Variants in NELL1 observed in about 807,000 individuals in gnomAD.
NELL1 encodes the protein protein kinase C-binding protein NELL1.
Under a neutral mutation model 107.4 loss-of-function variants are expected in NELL1, and 76 were observed. The ratio of observed to expected loss-of-function variants is 0.71; its 90% confidence interval spans 0.59 to 0.86. The LOEUF is 0.86. NELL1 is among the 40% of genes least tolerant of loss of function. NELL1 has a pLI of 0.00. For missense variants in NELL1, 1,024 were observed against 1,005.5 expected (o/e 1.02, Z -0.25); for synonymous variants, 353 against 341.2 (o/e 1.03, Z -0.38).
At chr11:20,691,210 G>A (rs1336346336) in intron 2 of NELL1, among the ~76,000 whole-genome samples, 3 of 151,976 alleles carry the variant, frequency 2.0e-5, no homozygotes, top group South Asian at 2.1e-4. Context: ...TTCTAGATAT[G>A]CAATCATGTC....
rs902250722 is a variant in NELL1, at chr11:21,148,558, A to G, written c.1426+34844A>G. On this transcript the variant is annotated intron_variant, in intron 13 of 19. Coordinates refer to ENST00000357134, the MANE Select transcript of NELL1 (RefSeq NM_006157.5). ...AACAGGGTTTATGAGCCTTACTTCA[A>G]TCAGTTCCTTGAGTTGCTGATGAAC... Among the ~76,000 whole-genome samples the G allele has an allele frequency of 1.5e-4, 23 of 152,194 alleles. 1 individual carries two copies. Among genetic ancestry groups the G allele is most frequent in the Admixed American group, 1.4e-3 (22 of 15,270 alleles).
intron 10 of NELL1, among the ~76,000 whole-genome samples, chr11:20,942,887 G>T (rs954879889): frequency 1.3e-5 from 2 of 152,020 alleles, no homozygotes; most frequent in African/African-American, 2.4e-5. Context: ...CTCTAGCAAG[G>T]GTCACTATTA....
intron 12 of NELL1, among the ~76,000 whole-genome samples, chr11:21,084,308 A>T (rs1468357283): frequency 6.6e-6 from 1 of 152,176 alleles, no homozygotes; most frequent in Non-Finnish European, 1.5e-5. Context: ...TGGCTGTTTA[A>T]TTGCTGTAAA....
intron 15 of NELL1, among the ~76,000 whole-genome samples, chr11:21,448,462 T>A (rs1385661395): frequency 6.6e-6 from 1 of 151,628 alleles, no homozygotes; most frequent in Non-Finnish European, 1.5e-5. Flanking sequence ...TAAAATTAAT[T>A]TTTAATTATT....
At chr11:21,341,361 C>T (rs1423934868) in intron 14 of NELL1, among the ~76,000 whole-genome samples, 1 of 152,130 alleles carries the variant, frequency 6.6e-6, no homozygotes, top group Non-Finnish European at 1.5e-5. Flanking sequence ...CCTCATATCA[C>T]CAAAAAGCAA....
intron 3 of NELL1, among the ~76,000 whole-genome samples, chr11:20,790,533 C>A (rs1857052902): frequency 6.6e-6 from 1 of 152,192 alleles, no homozygotes; most frequent in Non-Finnish European, 1.5e-5. Flanking sequence ...GATGCGTGGG[C>A]CCACAGCTGC....
intron 14 of NELL1, among the ~76,000 whole-genome samples, chr11:21,309,709 A>G (rs1849706133): frequency 6.6e-6 from 1 of 152,098 alleles, no homozygotes; most frequent in South Asian, 2.1e-4. Flanking sequence ...GAAGGCAAGG[A>G]GGAGTAAGTC....
intron 13 of NELL1, among the ~76,000 whole-genome samples, chr11:21,173,189 C>A (rs1281837359): frequency 6.6e-6 from 1 of 151,772 alleles, no homozygotes; most frequent in Non-Finnish European, 1.5e-5. Flanking sequence ...TGGTATGAGA[C>A]ACACACTGCT....
intron 14 of NELL1, among the ~76,000 whole-genome samples, chr11:21,285,542 G>A (rs536491946): frequency 2.0e-5 from 3 of 152,024 alleles, no homozygotes; most frequent in East Asian, 1.9e-4. Context: ...TGACCTTTAC[G>A]TTAGGAATTT....
intron 2 of NELL1, among the ~76,000 whole-genome samples, chr11:20,746,775 G>A (rs1189608674): frequency 1.3e-5 from 2 of 152,082 alleles, no homozygotes; most frequent in East Asian, 1.9e-4. Context: ...TCTCTGTAGT[G>A]GTTTTGGTAA....
At chr11:21,294,454 C>T (rs1387146819) in intron 14 of NELL1, among the ~76,000 whole-genome samples, 3 of 152,032 alleles carry the variant, frequency 2.0e-5, no homozygotes, top group Non-Finnish European at 4.4e-5. Context: ...CCTTGTATTA[C>T]CCAGCACAGT....
At chr11:21,343,285 T>G (rs1224533234) in intron 14 of NELL1, among the ~76,000 whole-genome samples, 1 of 152,016 alleles carries the variant, frequency 6.6e-6, no homozygotes, top group Non-Finnish European at 1.5e-5. Context: ...CAGGATGCAT[T>G]TTCACAAATG....
At chr11:21,526,883 G>T (rs1665339324) in intron 15 of NELL1, among the ~76,000 whole-genome samples, 1 of 152,212 alleles carries the variant, frequency 6.6e-6, no homozygotes, top group African/African-American at 2.4e-5. Context: ...GTGATGGGAG[G>T]AGCTGCTGGG....
At chr11:20,776,822 C>A (rs191153570) in intron 2 of NELL1, among the ~76,000 whole-genome samples, 2 of 152,234 alleles carry the variant, frequency 1.3e-5, no homozygotes, top group South Asian at 2.1e-4. Flanking sequence ...AGTTGAATGC[C>A]ATGGAATATC....
At chr11:21,122,442 G>T (rs1000719714) in intron 13 of NELL1, among the ~76,000 whole-genome samples, 2 of 152,024 alleles carry the variant, frequency 1.3e-5, no homozygotes, top group African/African-American at 4.8e-5. Context: ...TATTTCTATC[G>T]TAAAGACATG....
intron 3 of NELL1, among the ~76,000 whole-genome samples, chr11:20,821,413 T>C (rs1456017280): frequency 2.0e-5 from 3 of 152,088 alleles, no homozygotes; most frequent in African/African-American, 7.2e-5. Flanking sequence ...TATGATGAGG[T>C]TGAGGAAGGT....
At chr11:20,734,108 C>T (rs11025727) in intron 2 of NELL1, among the ~76,000 whole-genome samples, 18,206 of 152,094 alleles carry the variant, frequency 0.12, 1,182 homozygotes, top group Non-Finnish European at 0.15. Flanking sequence ...GAAGGACATC[C>T]TGGGTAGATG....
chr11:21,445,526 G>A (rs982259935), intron 15 of NELL1, among the ~76,000 whole-genome samples: 3 of 151,970 alleles, frequency 2.0e-5, no homozygotes, highest in Non-Finnish European at 4.4e-5. Context: ...GTAGATGTGT[G>A]TTTTCTCCAT....
intron 16 of NELL1, among the ~76,000 whole-genome samples, chr11:21,539,678 T>C (rs1856240954): frequency 6.6e-6 from 1 of 151,024 alleles, no homozygotes; most frequent in African/African-American, 2.4e-5. Flanking sequence ...GTTCGTCTGC[T>C]CATCTGCTTG....
Sources: allele counts gnomAD v4.1 joint callset (sites outside exome capture counted in the v4.1 genomes callset), GRCh38; gene constraint gnomAD v4.1.1; transcripts MANE v1.5; gene names NCBI Gene and HGNC (gene_info 2026-07-23, HGNC 2026-07-21).